Variants in CYP7B1 observed in about 807,000 individuals in gnomAD.
CYP7B1 encodes the protein cytochrome P450 family 7 subfamily B member 1, also known as cytochrome P450 7B1.
Under a neutral mutation model 42.7 loss-of-function variants are expected in CYP7B1, and 29 were observed. The ratio of observed to expected loss-of-function variants is 0.68; its 90% CI spans 0.51 to 0.93. CYP7B1 has a LOEUF of 0.93. CYP7B1 is among the 40% of genes least tolerant of loss of function. The pLI is 0.00. For missense variants in CYP7B1, 655 were observed against 600.5 expected, an observed-to-expected ratio of 1.09 and a Z score of -0.95; for synonymous variants, 235 against 218.2, an observed-to-expected ratio of 1.08 and a Z score of -0.68.
At chr8:64,634,489 G>C (rs1032431236) in intron 1 of CYP7B1, among the ~76,000 whole-genome samples, 1 of 151,496 alleles carries the variant, frequency 6.6e-6, no homozygotes, top group South Asian at 2.1e-4. Context: ...TGAGGCAGGA[G>C]AATCGCTTGA....
At chr8:64,731,309 T>A (rs1807405344) in intron 1 of CYP7B1, among the ~76,000 whole-genome samples, 1 of 152,178 alleles carries the variant, frequency 6.6e-6, no homozygotes, top group Admixed American at 6.5e-5. Context: ...TGGTCTCAGA[T>A]GGAGAACTTG....
chr8:64,752,373 T>A (rs1807740893), intron 1 of CYP7B1, among the ~76,000 whole-genome samples: 1 of 148,658 alleles, frequency 6.7e-6, no homozygotes, highest in Non-Finnish European at 1.5e-5. Context: ...TTAAATAAAT[T>A]GTGTGTGTGT....
At chr8:64,747,787 T>C (rs1585892042) in intron 1 of CYP7B1, among the ~76,000 whole-genome samples, 1 of 152,238 alleles carries the variant, frequency 6.6e-6, no homozygotes, top group East Asian at 1.9e-4. Flanking sequence ...AATTAGATTA[T>C]CACATAAAAG....
At chr8:64,714,554 C>G (rs1807125918) in intron 1 of CYP7B1, among the ~76,000 whole-genome samples, 1 of 152,216 alleles carries the variant, frequency 6.6e-6, no homozygotes, top group Admixed American at 6.5e-5. Flanking sequence ...TCAGAGGGTT[C>G]TTGCTGACAC....
chr8:64,785,719 G>A (rs1804514972), intron 1 of CYP7B1, among the ~76,000 whole-genome samples: 1 of 152,184 alleles, frequency 6.6e-6, no homozygotes, highest in Non-Finnish European at 1.5e-5. Context: ...AAGAGGGAGG[G>A]ATGAATAGCA....
intron 1 of CYP7B1, among the ~76,000 whole-genome samples, chr8:64,669,687 T>C (rs77181205): frequency 0.075 from 11,337 of 151,972 alleles, 489 homozygotes; most frequent in South Asian, 0.16. Context: ...AGGGGTTTCT[T>C]GAGTTCTCTC....
At chr8:64,650,969 G>A (rs1004521423) in intron 1 of CYP7B1, among the ~76,000 whole-genome samples, 2 of 152,164 alleles carry the variant, frequency 1.3e-5, no homozygotes, top group African/African-American at 4.8e-5. Context: ...TTCATTGGGT[G>A]TATAAAATGT....
At chr8:64,754,043 G>C (rs930847190) in intron 1 of CYP7B1, among the ~76,000 whole-genome samples, 14 of 152,180 alleles carry the variant, frequency 9.2e-5, no homozygotes, top group African/African-American at 2.9e-4. Flanking sequence ...ACACAACCAT[G>C]TCCATGCAAC....
chr8:64,673,840 G>A (rs148755184), intron 1 of CYP7B1, among the ~76,000 whole-genome samples: 6 of 152,160 alleles, frequency 3.9e-5, no homozygotes, highest in Admixed American at 6.5e-5. Context: ...AACCATTGCC[G>A]CAGACCTTTC....
chr8:64,605,310 T>C (rs1375613507), intron 4 of CYP7B1, among the ~76,000 whole-genome samples: 3 of 152,356 alleles, frequency 2.0e-5, no homozygotes, highest in Non-Finnish European at 4.4e-5. Context: ...GTAATTGTAG[T>C]AGTGCTTTCT....
At chr8:64,669,157 TC>T in intron 1 of CYP7B1, among the ~76,000 whole-genome samples, 1 of 152,250 alleles carries the variant, frequency 6.6e-6, no homozygotes, top group Non-Finnish European at 1.5e-5. Context: ...AATTTGCCCT[TC>T]TGACAGGAGA....
At chr8:64,726,328 T>A (rs1807324263) in intron 1 of CYP7B1, among the ~76,000 whole-genome samples, 1 of 152,180 alleles carries the variant, frequency 6.6e-6, no homozygotes. Flanking sequence ...TGATGTACGT[T>A]GGGGGATAAG....
intron 1 of CYP7B1, among the ~76,000 whole-genome samples, chr8:64,785,166 C>T (rs1242370893): frequency 1.3e-5 from 2 of 152,174 alleles, no homozygotes; most frequent in African/African-American, 4.8e-5. Flanking sequence ...TATCACTTCA[C>T]ACCTATTAGT....
intron 1 of CYP7B1, among the ~76,000 whole-genome samples, chr8:64,668,147 A>T (rs1363014040): frequency 6.6e-6 from 1 of 152,188 alleles, no homozygotes; most frequent in Non-Finnish European, 1.5e-5. Context: ...AATACATGAC[A>T]TGCCACGTTC....
intron 1 of CYP7B1, among the ~76,000 whole-genome samples, chr8:64,630,425 G>A (rs1180355274): frequency 1.3e-5 from 2 of 152,226 alleles, no homozygotes; most frequent in African/African-American, 2.4e-5. Context: ...TAACCTTGGT[G>A]GTTTATCATT....
chr8:64,714,076 C>T (rs982178299), intron 1 of CYP7B1, among the ~76,000 whole-genome samples: 4 of 152,176 alleles, frequency 2.6e-5, no homozygotes, highest in Admixed American at 6.5e-5. Context: ...TGCTCAATGT[C>T]GCCCAGCTTT....
At chr8:64,692,145 C>A (rs942332588) in intron 1 of CYP7B1, among the ~76,000 whole-genome samples, 1 of 152,222 alleles carries the variant, frequency 6.6e-6, no homozygotes, top group African/African-American at 2.4e-5. Flanking sequence ...GTCGATTGCT[C>A]TGATTCTATT....
At chr8:64,714,079 C>T (rs928047389) in intron 1 of CYP7B1, among the ~76,000 whole-genome samples, 3 of 152,152 alleles carry the variant, frequency 2.0e-5, no homozygotes, top group South Asian at 2.1e-4. Flanking sequence ...TCAATGTCGC[C>T]CAGCTTTTCT....
intron 1 of CYP7B1, among the ~76,000 whole-genome samples, chr8:64,668,127 A>G (rs970327629): frequency 1.3e-5 from 2 of 152,188 alleles, no homozygotes; most frequent in Non-Finnish European, 2.9e-5. Context: ...TTGGGGCTTT[A>G]CCTTTGATGA....
Sources: gnomAD v4.1 joint callset for allele counts (sites outside exome capture counted in the v4.1 genomes callset) on GRCh38, gnomAD v4.1.1 for gene constraint, MANE v1.5 for transcripts, NCBI Gene and HGNC (gene_info 2026-07-23, HGNC 2026-07-21) for gene names.